HIVEP3: variants seen among roughly 807,000 people sequenced by gnomAD.
The protein encoded by HIVEP3 is transcription factor HIVEP3.
A neutral mutation model predicts 152.8 loss-of-function variants in HIVEP3; 49 were observed. The observed-to-expected ratio is 0.32, with a 90% CI of 0.26 to 0.41. The LOEUF (loss-of-function observed/expected upper bound fraction) is 0.41. HIVEP3 is among the 10% of genes least tolerant of loss of function. The pLI is 1.00. For missense variants in HIVEP3, 2,790 were observed against 3,103.3 expected (o/e 0.90, Z 2.40); for synonymous variants, 1,269 against 1,289.0 (o/e 0.98, Z 0.33).
intron 1 of HIVEP3, among the ~76,000 whole-genome samples, chr1:41,814,275 G>A (rs565037495): frequency 6.1e-4 from 93 of 152,286 alleles, no homozygotes; most frequent in African/African-American, 2.1e-3. Flanking sequence ...TGACCTCTGC[G>A]CTCACACTGC....
chr1:41,527,170 C>CCTCACACGCTCATCCA (rs1642987927), intron 5 of HIVEP3, among the ~76,000 whole-genome samples: 1 of 113,930 alleles, frequency 8.8e-6, no homozygotes, highest in African/African-American at 3.4e-5. Flanking sequence ...TCTCACACAC[C>CCTCACACGCTCATCCA]CACACACCCA....
intron 5 of HIVEP3, among the ~76,000 whole-genome samples, chr1:41,558,565 C>G (rs1644005011): frequency 6.6e-6 from 1 of 152,212 alleles, no homozygotes; most frequent in South Asian, 2.1e-4. Context: ...TTTGTGTCAG[C>G]CTGCACCCCT....
intron 3 of HIVEP3, among the ~76,000 whole-genome samples, chr1:41,599,640 T>C (rs899818168): frequency 6.6e-6 from 1 of 152,046 alleles, no homozygotes; most frequent in Non-Finnish European, 1.5e-5. Flanking sequence ...TTAGAAAACA[T>C]AAGGAAGAAG....
intron 1 of HIVEP3, among the ~76,000 whole-genome samples, chr1:41,797,272 T>C (rs767007929): frequency 2.0e-5 from 3 of 152,198 alleles, no homozygotes; most frequent in Non-Finnish European, 2.9e-5. Flanking sequence ...GGCCCAGCTA[T>C]GGTTGCTCCC....
chr1:41,905,877 C>A (rs1157763767), intron 1 of HIVEP3, among the ~76,000 whole-genome samples: 1 of 152,148 alleles, frequency 6.6e-6, no homozygotes, highest in East Asian at 1.9e-4. Flanking sequence ...CAAGGATAGA[C>A]AGAATGTGCA....
At chr1:41,789,737 A>G (rs1649576665) in intron 1 of HIVEP3, among the ~76,000 whole-genome samples, 1 of 152,212 alleles carries the variant, frequency 6.6e-6, no homozygotes, top group African/African-American at 2.4e-5. Context: ...CTCTAGTTCT[A>G]TAAGGAGGAA....
chr1:41,535,732 G>A (rs1440638764), intron 5 of HIVEP3: 1 of 152,162 alleles, frequency 6.6e-6, no homozygotes, highest in Non-Finnish European at 1.5e-5. Flanking sequence ...ACAACCCCTT[G>A]ATCAGGAGGG....
At chr1:41,867,185 T>A (rs1643992977) in intron 1 of HIVEP3, among the ~76,000 whole-genome samples, 1 of 152,030 alleles carries the variant, frequency 6.6e-6, no homozygotes, top group Non-Finnish European at 1.5e-5. Flanking sequence ...CATTTCTAGC[T>A]CAGGGCCAGC....
At chr1:41,742,906 T>C (rs574513620) in intron 1 of HIVEP3, among the ~76,000 whole-genome samples, 3 of 152,196 alleles carry the variant, frequency 2.0e-5, no homozygotes, top group Non-Finnish European at 4.4e-5. Flanking sequence ...TATCCATCAC[T>C]CTAACTGTGT....
intron 1 of HIVEP3, among the ~76,000 whole-genome samples, chr1:41,728,465 G>C (rs138910556): frequency 4.0e-4 from 61 of 151,922 alleles, no homozygotes; most frequent in Non-Finnish European, 7.9e-4. Flanking sequence ...CTGCCAAGGC[G>C]ACAGAGCAGG....
At position 41,581,671 on chromosome 1, in the gene HIVEP3, A is replaced by G; in HGVS notation, c.3127T>C (p.Cys1043Arg). Residue 1043 changes from cysteine to arginine, a missense_variant, in exon 4 of 9, where the codon TGC becomes CGC. Transcript: ENST00000372583. This position sits in a 1 kb window ranked among gnomAD's most constrained non-coding sequence, Gnocchi z 4.5. ...AGAGAGGCCTGTCTCACCAAGAAGCATTTTCTTCTCTCTGGCGGGGCCACC... is the reference window on the plus strand; with the variant it reads ...AGAGAGGCCTGTCTCACCAAGAAGCGTTTTCTTCTCTCTGGCGGGGCCACC... ...ARVAPPERRKCFLVRQASLSR... is the reference protein window; with the variant it reads ...ARVAPPERRKRFLVRQASLSR... 2 of 1,614,070 alleles carry G rather than the reference A, an allele frequency of 1.2e-6. No individual in the cohort carries two copies. Among genetic ancestry groups the G allele is most frequent in the African/African-American group, 2.7e-5 (2 of 75,022 alleles).
chr1:41,967,579 C>T (rs562971893), intron 1 of HIVEP3, among the ~76,000 whole-genome samples: 2 of 152,126 alleles, frequency 1.3e-5, no homozygotes, highest in African/African-American at 4.8e-5. Context: ...CACCAAATGC[C>T]CACATCAAAA....
chr1:41,671,995 G>A (rs147395029), intron 2 of HIVEP3, among the ~76,000 whole-genome samples: 79 of 152,344 alleles, frequency 5.2e-4, no homozygotes, highest in Middle Eastern at 3.4e-3. Flanking sequence ...GGGGCTGGGT[G>A]CAGTTGAGTT....
In HIVEP3 at chr1:41,581,641, T is replaced by A. The variant is rs1486522593; in HGVS notation, c.3157A>T (p.Arg1053Trp). Residue 1053 changes from arginine to tryptophan, a missense_variant, in exon 4 of 9, where the codon AGG becomes TGG. Transcript: ENST00000372583. This position sits in a 1 kb window ranked among gnomAD's most constrained non-coding sequence, Gnocchi z 4.5. ...ACCTCCAACTCAGATTCTGGAGGCCTGCTCAGAGAGGCCTGTCTCACCAAG... is the reference window on the plus strand; with the variant it reads ...ACCTCCAACTCAGATTCTGGAGGCCAGCTCAGAGAGGCCTGTCTCACCAAG... ...CFLVRQASLS[R>W]PPESELEVAP... 3 of 1,614,176 alleles carry A rather than the reference T, an allele frequency of 1.9e-6. No individual in the cohort carries two copies. The highest frequency in any genetic ancestry group is 2.5e-6 in the Non-Finnish European group (3 of 1,180,012).
At chr1:41,711,062 C>G (rs141488755) in intron 1 of HIVEP3, among the ~76,000 whole-genome samples, 1,704 of 152,370 alleles carry the variant, frequency 0.011, 35 homozygotes, top group African/African-American at 0.038. Context: ...ACTCTCCGCT[C>G]TGCTGCGGGC....
At chr1:41,594,016 CCT>C (rs1362496291) in intron 3 of HIVEP3, among the ~76,000 whole-genome samples, 2 of 152,140 alleles carry the variant, frequency 1.3e-5, no homozygotes, top group African/African-American at 4.8e-5. Context: ...AATATTGACT[CCT>C]CTCTCCCTCT....
intron 1 of HIVEP3, among the ~76,000 whole-genome samples, chr1:42,033,995 G>C (rs1645627556): frequency 6.6e-6 from 1 of 152,124 alleles, no homozygotes; most frequent in African/African-American, 2.4e-5. Flanking sequence ...CCTCAAAACA[G>C]TATATATGTT....
chr1:41,837,289 G>T (rs1056334540), intron 1 of HIVEP3, among the ~76,000 whole-genome samples: 6 of 152,044 alleles, frequency 3.9e-5, no homozygotes, highest in Non-Finnish European at 8.8e-5. Flanking sequence ...CAGCCCCTCA[G>T]TCACCCTGTC....
intron 1 of HIVEP3, among the ~76,000 whole-genome samples, chr1:41,752,540 G>A (rs925536248): frequency 6.6e-6 from 1 of 152,250 alleles, no homozygotes; most frequent in Admixed American, 6.5e-5. Context: ...CCCAGTGGGA[G>A]GCAGACAAAA....
Sources: gnomAD v4.1 joint callset for allele counts (sites outside exome capture counted in the v4.1 genomes callset) on GRCh38, gnomAD v4.1.1 for gene constraint, Gnocchi (gnomAD v3.1) non-coding constraint, MANE v1.5 for transcripts, NCBI Gene and HGNC (gene_info 2026-07-23, HGNC 2026-07-21) for gene names.